The following PDE1A variants were observed in gnomAD, a reference collection of about 807,000 sequenced individuals.
PDE1A encodes the protein dual specificity calcium/calmodulin-dependent 3',5'-cyclic nucleotide phosphodiesterase 1A.
Under a neutral mutation model 61.7 loss-of-function variants are expected in PDE1A, and 35 were observed. The observed-to-expected ratio is 0.57, with a 90% confidence interval of 0.43 to 0.75. PDE1A has a LOEUF of 0.75. PDE1A is among the 30% of genes least tolerant of loss of function. The pLI is 0.00. For missense variants in PDE1A, 597 were observed against 630.6 expected, an observed-to-expected ratio of 0.95 and a Z score of 0.57; for synonymous variants, 232 against 213.2, an observed-to-expected ratio of 1.09 and a Z score of -0.77.
intron 1 of PDE1A, among the ~76,000 whole-genome samples, chr2:182,336,937 C>G (rs1345406796): frequency 6.8e-6 from 1 of 146,164 alleles, no homozygotes; most frequent in Non-Finnish European, 1.5e-5. Context: ...AGTAACAAAC[C>G]TGCAGGTTCT....
chr2:182,276,180 T>G (rs1279185187), intron 1 of PDE1A, among the ~76,000 whole-genome samples: 3 of 151,958 alleles, frequency 2.0e-5, no homozygotes, highest in Non-Finnish European at 4.4e-5. Context: ...TCAAGAAAAC[T>G]AATAAAGACA....
chr2:182,534,333 C>T, the PDE1A span, among the ~76,000 whole-genome samples: 1 of 151,888 alleles, frequency 6.6e-6, no homozygotes, highest in Non-Finnish European at 1.5e-5. Context: ...TGCTTTTACA[C>T]ATCTCTATTT....
At chr2:182,598,379 C>A in the PDE1A span, among the ~76,000 whole-genome samples, 9 of 152,072 alleles carry the variant, frequency 5.9e-5, no homozygotes, top group Admixed American at 3.3e-4. Context: ...CAAGACCAGC[C>A]TGGCCAACAT....
the PDE1A span, among the ~76,000 whole-genome samples, chr2:182,548,119 A>G: frequency 6.6e-6 from 1 of 152,208 alleles, no homozygotes; most frequent in Non-Finnish European, 1.5e-5. Flanking sequence ...GGAAGATGGA[A>G]AAAGATTTGC....
chr2:182,569,898 T>C, the PDE1A span, among the ~76,000 whole-genome samples: 1 of 152,242 alleles, frequency 6.6e-6, no homozygotes, highest in African/African-American at 2.4e-5. Flanking sequence ...GTGTAGTTTC[T>C]AGTTCTTCTT....
upstream of PDE1A, among the ~76,000 whole-genome samples, chr2:182,427,947 A>G (rs1703715794): frequency 6.6e-6 from 1 of 152,206 alleles, no homozygotes; most frequent in African/African-American, 2.4e-5. Context: ...ATCCATAAAA[A>G]TAAAGATCAA....
rs576600546 is a variant in PDE1A, at chr2:182,168,974, A to G, written c.1517-684T>C. ...TGAAATGGCATCAAGGAAATTATTAAGTCTTGTGTGCATGTGTGTGTAAGT... is the reference window on the plus strand; with the variant it reads ...TGAAATGGCATCAAGGAAATTATTAGGTCTTGTGTGCATGTGTGTGTAAGT... On this transcript the variant is annotated intron_variant, in intron 13 of 13. Transcript: ENST00000351439. Among the ~76,000 whole-genome samples, 3 of 152,112 alleles carry G rather than the reference A, an allele frequency of 2.0e-5. No individual in the cohort carries two copies. The South Asian group carries it at 6.2e-4, about 32-fold the overall frequency.
chr2:182,188,864 C>A, intron 11 of PDE1A, 115 bp downstream of exon 11: 1 of 664,252 alleles, frequency 1.5e-6, no homozygotes, highest in Non-Finnish European at 2.7e-6. Context: ...TCAAATATAT[C>A]ATGAATATGG....
chr2:182,388,648 T>C (rs912240071), intron 1 of PDE1A, among the ~76,000 whole-genome samples: 1 of 151,868 alleles, frequency 6.6e-6, no homozygotes, highest in African/African-American at 2.4e-5. Context: ...AACATACCTA[T>C]GGGATATAGC....
At chr2:182,248,985 C>T (rs549519094) in intron 2 of PDE1A, among the ~76,000 whole-genome samples, 53 of 152,196 alleles carry the variant, frequency 3.5e-4, no homozygotes, top group Non-Finnish European at 6.6e-4. Flanking sequence ...TATCAGGTGA[C>T]TAAACTGCTA....
intron 2 of PDE1A, among the ~76,000 whole-genome samples, chr2:182,250,314 C>G (rs1028543310): frequency 6.6e-6 from 1 of 152,078 alleles, no homozygotes; most frequent in African/African-American, 2.4e-5. Flanking sequence ...GAATTGTTTT[C>G]TCATAGAGAA....
chr2:182,264,494 C>A (rs1574191582), intron 1 of PDE1A, 80 bp from the exon 2 acceptor site: 3 of 925,524 alleles, frequency 3.2e-6, no homozygotes, highest in South Asian at 1.7e-5. Flanking sequence ...GTATTAAATA[C>A]ACTCAGTTAA....
At chr2:182,649,466 A>G in the PDE1A span, among the ~76,000 whole-genome samples, 3 of 152,092 alleles carry the variant, frequency 2.0e-5, no homozygotes, top group South Asian at 4.1e-4. Context: ...TCATGAAATG[A>G]TGTTCAAGAG....
chr2:182,223,349 C>T (rs1688884871), intron 7 of PDE1A, among the ~76,000 whole-genome samples: 1 of 152,030 alleles, frequency 6.6e-6, no homozygotes, highest in South Asian at 2.1e-4. Context: ...AACAGACTAA[C>T]ATACTTCTAC....
the PDE1A span, among the ~76,000 whole-genome samples, chr2:182,544,545 G>T: frequency 6.6e-6 from 1 of 152,116 alleles, no homozygotes; most frequent in Non-Finnish European, 1.5e-5. Flanking sequence ...CACCTGCTCT[G>T]GTGACAAGAA....
intron 2 of PDE1A, among the ~76,000 whole-genome samples, chr2:182,516,844 AG>A: frequency 3.1e-5 from 1 of 32,176 alleles, no homozygotes; most frequent in Non-Finnish European, 5.9e-5. Context: ...GGAGGGAGGG[AG>A]GGAGGGAGGG....
the PDE1A span, among the ~76,000 whole-genome samples, chr2:182,627,023 A>ATTT: frequency 3.2e-4 from 17 of 52,378 alleles, no homozygotes; most frequent in Admixed American, 9.1e-4. Flanking sequence ...ATTTATATAT[A>ATTT]AAATATAAAT....
chr2:182,459,063 T>C (rs1686106285), intron 2 of PDE1A, among the ~76,000 whole-genome samples: 1 of 152,122 alleles, frequency 6.6e-6, no homozygotes, highest in South Asian at 2.1e-4. Flanking sequence ...TCATGAAGTA[T>C]TTTATGATTT....
chr2:182,476,463 T>A (rs1403924276), intron 2 of PDE1A, among the ~76,000 whole-genome samples: 3 of 151,930 alleles, frequency 2.0e-5, no homozygotes, highest in African/African-American at 7.2e-5. Context: ...CACTCAAACC[T>A]GGGCAACAAA....
Sources: allele counts gnomAD v4.1 joint callset (sites outside exome capture counted in the v4.1 genomes callset), GRCh38; gene constraint gnomAD v4.1.1; transcripts MANE v1.5; gene names NCBI Gene and HGNC (gene_info 2026-07-23, HGNC 2026-07-21).